DCC: variants seen among roughly 807,000 people sequenced by gnomAD.
DCC encodes netrin receptor DCC.
Under a neutral mutation model 172.5 loss-of-function variants are expected in DCC, and 58 were observed. That is an observed-to-expected ratio of 0.34 (90% CI 0.27 to 0.42). The LOEUF (loss-of-function observed/expected upper bound fraction) is 0.42, where lower values mean the gene tolerates loss of function less well. DCC is among the 10% of genes least tolerant of loss of function. The pLI is 1.00. For synonymous variants in DCC, 709 were observed against 644.5 expected (o/e 1.10, Z -1.52); for missense variants, 1,740 against 1,791.0 (o/e 0.97, Z 0.51).
At chr18:52,903,015 A>G (rs2039831821) in intron 2 of DCC, among the ~76,000 whole-genome samples, 1 of 152,184 alleles carries the variant, frequency 6.6e-6, no homozygotes. Context: ...AAGTCTAATT[A>G]TATTAATATG....
At chr18:53,439,469 C>T (rs1912133726) in intron 22 of DCC, among the ~76,000 whole-genome samples, 1 of 152,086 alleles carries the variant, frequency 6.6e-6, no homozygotes, top group South Asian at 2.1e-4. Context: ...TCCTAGCTCC[C>T]TCTACACTTG....
At chr18:53,248,193 T>C (rs1453915102) in intron 12 of DCC, among the ~76,000 whole-genome samples, 1 of 152,072 alleles carries the variant, frequency 6.6e-6, no homozygotes. Flanking sequence ...CAGCTCTATT[T>C]TGATCATTTA....
chr18:52,488,413 C>G (rs1231461906), intron 1 of DCC, among the ~76,000 whole-genome samples: 1 of 151,872 alleles, frequency 6.6e-6, no homozygotes, highest in Non-Finnish European at 1.5e-5. Context: ...TTGTGTATAC[C>G]ATTAGGATAG....
chr18:53,186,368 C>A (rs535404804), intron 9 of DCC, among the ~76,000 whole-genome samples: 61 of 152,242 alleles, frequency 4.0e-4, no homozygotes, highest in African/African-American at 1.3e-3. Context: ...CCCTACTAAA[C>A]GTGAAAGCGG....
intron 7 of DCC, among the ~76,000 whole-genome samples, chr18:53,072,137 A>G (rs2042660876): frequency 6.6e-6 from 1 of 152,280 alleles, no homozygotes; most frequent in Non-Finnish European, 1.5e-5. Flanking sequence ...TCAAGAAGAA[A>G]AAAAAAGAGT....
At chr18:53,173,163 G>A (rs958640927) in intron 8 of DCC, among the ~76,000 whole-genome samples, 4 of 152,070 alleles carry the variant, frequency 2.6e-5, no homozygotes, top group Non-Finnish European at 5.9e-5. Context: ...TAGTTTGGTA[G>A]AATATAGCAG....
chr18:53,427,895 A>T (rs1341442911), intron 21 of DCC, among the ~76,000 whole-genome samples: 1 of 82,130 alleles, frequency 1.2e-5, no homozygotes, highest in Non-Finnish European at 2.3e-5. Flanking sequence ...TAATATAATA[A>T]ATTATATATA....
intron 7 of DCC, among the ~76,000 whole-genome samples, chr18:53,125,399 TG>T (rs2043541339): frequency 6.6e-6 from 1 of 152,114 alleles, no homozygotes; most frequent in South Asian, 2.1e-4. Flanking sequence ...GCTCTGACAC[TG>T]CCAAGTATGA....
At chr18:53,015,590 T>A (rs2041796677) in intron 5 of DCC, among the ~76,000 whole-genome samples, 1 of 152,158 alleles carries the variant, frequency 6.6e-6, no homozygotes, top group East Asian at 1.9e-4. Flanking sequence ...AAATCTCTTT[T>A]TTTCTTCAGC....
chr18:53,499,341 C>G lies in DCC; in HGVS notation c.3942C>G (p.Pro1314=), dbSNP rs1215538888. 3.1e-6 allele frequency: 5 copies of G among 1,613,872 alleles called. No homozygotes were observed. In the Admixed American group the frequency reaches 8.3e-5, roughly 27 times the overall value. ...GPTTQQPPML[P]PSQPEHSSSE... The stretch of plus-strand genomic sequence containing the variant: ...CTACCCAACAACCACCTATGCTGCC[C>G]CCATCTCAGCCTGAGCATTCTAGCA... Residue 1314 remains proline, a synonymous_variant, in exon 27 of 29, where the codon CCC becomes CCG. Transcript: ENST00000442544.
At position 52,816,479 on chromosome 18, in the gene DCC, T is replaced by C. The variant is rs150727110; in HGVS notation, c.412+64105T>C. On this transcript the variant is annotated intron_variant, in intron 2 of 28. Transcript: ENST00000442544. ...CTGAATAGTACAGAATTCATCAGTA[T>C]ATTGAGTTCAGATCCTATCTATAAC... 3.9e-5 allele frequency among the ~76,000 whole-genome samples: 6 copies of C among 152,362 alleles called. No homozygotes were observed. The East Asian group carries it at 1.2e-3, about 29-fold the overall frequency.
intron 1 of DCC, among the ~76,000 whole-genome samples, chr18:52,578,783 G>T (rs1333473771): frequency 6.6e-6 from 1 of 152,122 alleles, no homozygotes; most frequent in Non-Finnish European, 1.5e-5. Flanking sequence ...GGTGGATCAC[G>T]AGGTCGAGAT....
At chr18:52,629,186 C>A (rs1244103867) in intron 1 of DCC, among the ~76,000 whole-genome samples, 2 of 152,124 alleles carry the variant, frequency 1.3e-5, no homozygotes, top group East Asian at 3.8e-4. Context: ...ACCATTTGCC[C>A]ATCCGTATGT....
chr18:52,771,650 G>A (rs186823099), intron 2 of DCC, among the ~76,000 whole-genome samples: 5 of 152,252 alleles, frequency 3.3e-5, no homozygotes, highest in East Asian at 1.9e-4. Flanking sequence ...ATCTATGTGA[G>A]GGAGGTGGGA....
intron 5 of DCC, among the ~76,000 whole-genome samples, chr18:52,982,300 G>A (rs1397851659): frequency 2.0e-5 from 3 of 152,046 alleles, no homozygotes; most frequent in Admixed American, 6.6e-5. Flanking sequence ...TTTTCATTTC[G>A]AGCCATTTCC....
intron 5 of DCC, among the ~76,000 whole-genome samples, chr18:52,978,017 T>G (rs72928165): frequency 0.035 from 5,347 of 151,980 alleles, 120 homozygotes; most frequent in African/African-American, 0.054. Context: ...TTGTATAAAA[T>G]TCAAGTAGTT....
At chr18:52,628,596 T>C (rs1473747685) in intron 1 of DCC, among the ~76,000 whole-genome samples, 1 of 152,190 alleles carries the variant, frequency 6.6e-6, no homozygotes, top group Non-Finnish European at 1.5e-5. Flanking sequence ...TGTGGCTTTC[T>C]TCCAAGTTAT....
intron 25 of DCC, among the ~76,000 whole-genome samples, chr18:53,468,837 C>T (rs886166767): frequency 5.3e-5 from 8 of 152,294 alleles, no homozygotes; most frequent in South Asian, 2.1e-4. Context: ...ATATTATTAT[C>T]TGAGAATCAC....
chr18:52,770,778 G>C (rs1020288975), intron 2 of DCC, among the ~76,000 whole-genome samples: 1 of 152,168 alleles, frequency 6.6e-6, no homozygotes, highest in Non-Finnish European at 1.5e-5. Flanking sequence ...ACAAGGACTT[G>C]GTGAGTCATG....
Sources: allele counts gnomAD v4.1 joint callset (sites outside exome capture counted in the v4.1 genomes callset), GRCh38; gene constraint gnomAD v4.1.1; transcripts MANE v1.5; gene names NCBI Gene and HGNC (gene_info 2026-07-23, HGNC 2026-07-21).